Variants in SGCD observed in about 807,000 individuals in gnomAD.
SGCD encodes the protein delta-sarcoglycan.
A neutral mutation model predicts 36.6 loss-of-function variants in SGCD; 18 were observed. That is an observed-to-expected ratio of 0.49 (90% CI 0.34 to 0.73). SGCD has a LOEUF of 0.73. Among genes scored for constraint, SGCD ranks in the 30% least tolerant of loss-of-function variants. The pLI is 0.01. For synonymous variants in SGCD, 133 were observed against 130.6 expected (o/e 1.02, Z -0.12); for missense variants, 387 against 346.7 (o/e 1.12, Z -0.92).
At chr5:156,719,633 G>T (rs1229413449) in intron 7 of SGCD, among the ~76,000 whole-genome samples, 1 of 152,050 alleles carries the variant, frequency 6.6e-6, no homozygotes, top group East Asian at 1.9e-4. Context: ...GGTGGATGGT[G>T]TTGCACTATA....
intron 3 of SGCD, chr5:156,458,544 T>C: frequency 7.5e-7 from 1 of 1,334,440 alleles, no homozygotes; most frequent in Non-Finnish European, 1.1e-6. Context: ...AGTGATTCTT[T>C]CCCTCAAACC....
intron 3 of SGCD, among the ~76,000 whole-genome samples, chr5:156,278,939 C>A (rs531206342): frequency 1.2e-3 from 179 of 152,198 alleles, no homozygotes; most frequent in Non-Finnish European, 1.9e-3. Flanking sequence ...CAAATGAAAG[C>A]AATGTTGTCT....
intron 3 of SGCD, among the ~76,000 whole-genome samples, chr5:156,487,788 C>CAAAAAAAAAAA (rs56006984): frequency 9.7e-5 from 4 of 41,392 alleles, no homozygotes; most frequent in African/African-American, 1.2e-4. Context: ...ACTCTGTCAC[C>CAAAAAAAAAAA]AAAAAAAAAA....
chr5:155,981,813 G>A (rs1265157700), intron 1 of SGCD, among the ~76,000 whole-genome samples: 1 of 152,098 alleles, frequency 6.6e-6, no homozygotes, highest in Admixed American at 6.6e-5. Context: ...TTGAGACTTG[G>A]CATTTAGTGA....
intron 4 of SGCD, among the ~76,000 whole-genome samples, chr5:156,530,799 C>T (rs557503523): frequency 4.6e-5 from 7 of 152,142 alleles, no homozygotes; most frequent in East Asian, 3.9e-4. Context: ...AGACTGGTCT[C>T]GAACTCCTGA....
chr5:155,870,269 T>C (rs1024472271), upstream of SGCD: 3 of 152,170 alleles, frequency 2.0e-5, no homozygotes, highest in African/African-American at 7.2e-5. Context: ...ATAATGAAGA[T>C]TAAATGAGTT....
At chr5:155,782,238 T>A in the SGCD span, among the ~76,000 whole-genome samples, 21 of 152,076 alleles carry the variant, frequency 1.4e-4, no homozygotes, top group Non-Finnish European at 7.4e-5. Flanking sequence ...TTAGCCAGGC[T>A]GGTCTCGAAC....
At chr5:156,185,623 T>C (rs1407147976) in intron 3 of SGCD, among the ~76,000 whole-genome samples, 1 of 151,752 alleles carries the variant, frequency 6.6e-6, no homozygotes, top group Non-Finnish European at 1.5e-5. Context: ...TTGTCTGATA[T>C]GTACAAATTA....
At chr5:156,533,150 C>G (rs1757958422) in intron 4 of SGCD, among the ~76,000 whole-genome samples, 1 of 152,192 alleles carries the variant, frequency 6.6e-6, no homozygotes, top group Non-Finnish European at 1.5e-5. Context: ...TTTCCTTTCT[C>G]TACCCATTGT....
intron 7 of SGCD, among the ~76,000 whole-genome samples, chr5:156,753,993 C>T (rs1473422517): frequency 6.6e-6 from 1 of 152,214 alleles, no homozygotes; most frequent in South Asian, 2.1e-4. Flanking sequence ...AAACAGAAAG[C>T]CAGTTACCTT....
the SGCD span, among the ~76,000 whole-genome samples, chr5:155,742,413 T>C: frequency 1.3e-5 from 2 of 152,172 alleles, no homozygotes; most frequent in Non-Finnish European, 2.9e-5. Flanking sequence ...CTTTCTGTCC[T>C]TGGGGAATGC....
At chr5:156,242,891 G>T (rs1037468365) in intron 3 of SGCD, among the ~76,000 whole-genome samples, 4 of 152,156 alleles carry the variant, frequency 2.6e-5, no homozygotes, top group Admixed American at 6.5e-5. Flanking sequence ...AGATAGAGGG[G>T]TCCACATGGG....
At chr5:156,659,383 C>T (rs4087615) in intron 7 of SGCD, among the ~76,000 whole-genome samples, 746 of 116,640 alleles carry the variant, frequency 6.4e-3, no homozygotes, top group Non-Finnish European at 9.3e-3. Context: ...AAAATATGGA[C>T]GGATGGTGAG....
chr5:156,531,690 C>A (rs902599700), intron 4 of SGCD, among the ~76,000 whole-genome samples: 1 of 152,098 alleles, frequency 6.6e-6, no homozygotes, highest in African/African-American at 2.4e-5. Context: ...CTTGAAAAAA[C>A]CTTAAATCGC....
At chr5:156,524,305 A>ATC (rs1757560490) in intron 4 of SGCD, among the ~76,000 whole-genome samples, 1 of 142,602 alleles carries the variant, frequency 7.0e-6, no homozygotes, top group Non-Finnish European at 1.5e-5. Flanking sequence ...ATATATATAT[A>ATC]TCATCATGCA....
At chr5:156,286,349 A>T (rs188482550) in intron 3 of SGCD, among the ~76,000 whole-genome samples, 1 of 152,234 alleles carries the variant, frequency 6.6e-6, no homozygotes, top group Non-Finnish European at 1.5e-5. Flanking sequence ...ATTATAAATC[A>T]TGCTGCTATA....
chr5:155,974,318 C>A (rs1332185728), intron 1 of SGCD, among the ~76,000 whole-genome samples: 4 of 152,092 alleles, frequency 2.6e-5, no homozygotes, highest in Non-Finnish European at 5.9e-5. Context: ...TAAAATGCAA[C>A]TACTACAAAG....
At chr5:156,715,588 G>C (rs1755184163) in intron 7 of SGCD, among the ~76,000 whole-genome samples, 1 of 152,206 alleles carries the variant, frequency 6.6e-6, no homozygotes, top group African/African-American at 2.4e-5. Flanking sequence ...AGATGAGACT[G>C]AGAGATGCTA....
At chr5:156,359,234 G>A (rs534460564) in intron 3 of SGCD, among the ~76,000 whole-genome samples, 2 of 152,258 alleles carry the variant, frequency 1.3e-5, no homozygotes, top group South Asian at 4.2e-4. Context: ...CTTCTTTGGA[G>A]CTGGTTTATA....
Sources: allele counts gnomAD v4.1 joint callset (sites outside exome capture counted in the v4.1 genomes callset), GRCh38; gene constraint gnomAD v4.1.1; transcripts MANE v1.5; gene names NCBI Gene and HGNC (gene_info 2026-07-23, HGNC 2026-07-21).